ELMO1: variants seen among roughly 807,000 people sequenced by gnomAD.
The protein encoded by ELMO1 is engulfment and cell motility 1.
Under a neutral mutation model 98.9 loss-of-function variants are expected in ELMO1, and 26 were observed. That is an observed-to-expected ratio of 0.26 (90% confidence interval 0.19 to 0.36). The LOEUF (loss-of-function observed/expected upper bound fraction) is 0.36, where lower values mean the gene tolerates loss of function less well. Ranked by LOEUF, ELMO1 falls within the 10% of genes least tolerant of loss-of-function variation. The pLI is 1.00. For synonymous variants in ELMO1, 346 were observed against 346.0 expected (o/e 1.00, Z 0.00); for missense variants, 627 against 935.2 (o/e 0.67, Z 4.30).
rs113707287 is a variant in ELMO1, at chr7:37,381,476, G to A, written c.-73-38713C>T. Among the ~76,000 whole-genome samples, 386 of 152,294 alleles carry A rather than the reference G, an allele frequency of 2.5e-3. 5 individuals are homozygous for A. The highest frequency in any genetic ancestry group is 8.9e-3 in the African/African-American group (371 of 41,554). ...AAAGTAGTCAGTAATATACAACCCTGCACTAATGAAGAGTGAAACCACTGG... is the reference window on the plus strand; with the variant it reads ...AAAGTAGTCAGTAATATACAACCCTACACTAATGAAGAGTGAAACCACTGG... On this transcript the variant is annotated intron_variant, in intron 1 of 21. Transcript: ENST00000310758.
chr7:37,294,542 C>A (rs573372009), intron 4 of ELMO1, among the ~76,000 whole-genome samples: 2 of 152,262 alleles, frequency 1.3e-5, no homozygotes, highest in South Asian at 2.1e-4. Context: ...TCCCTCTAAT[C>A]CAAAAGCTTT....
At chr7:37,245,586 T>G (rs1341488494) in intron 6 of ELMO1, among the ~76,000 whole-genome samples, 1 of 152,146 alleles carries the variant, frequency 6.6e-6, no homozygotes, top group African/African-American at 2.4e-5. Context: ...ATATTTACTA[T>G]TTCCCATCCT....
At chr7:37,071,788 A>C (rs578169535) in intron 15 of ELMO1, among the ~76,000 whole-genome samples, 46 of 152,324 alleles carry the variant, frequency 3.0e-4, no homozygotes, top group African/African-American at 1.1e-3. Context: ...GATTAAAATA[A>C]GAAAAATTCC....
chr7:37,050,205 A>G (rs1240203288), intron 15 of ELMO1, among the ~76,000 whole-genome samples: 1 of 152,030 alleles, frequency 6.6e-6, no homozygotes, highest in Non-Finnish European at 1.5e-5. Flanking sequence ...CAACCTCCCA[A>G]GTAGCTGGGA....
chr7:37,051,052 C>T (rs1278933040), intron 15 of ELMO1, among the ~76,000 whole-genome samples: 1 of 152,186 alleles, frequency 6.6e-6, no homozygotes, highest in Non-Finnish European at 1.5e-5. Flanking sequence ...TGTTCAGCTT[C>T]CTTCCTTTTT....
chr7:37,209,481 G>A (rs1368643706), intron 13 of ELMO1, among the ~76,000 whole-genome samples: 5 of 152,188 alleles, frequency 3.3e-5, no homozygotes, highest in South Asian at 4.1e-4. Context: ...GGAGGAGGAC[G>A]ATAAAATTGC....
At chr7:36,916,696 C>G (rs901289215) in intron 16 of ELMO1, among the ~76,000 whole-genome samples, 2 of 152,224 alleles carry the variant, frequency 1.3e-5, no homozygotes, top group Non-Finnish European at 1.5e-5. Context: ...GCCCAGCCTT[C>G]CCTCTGGTTC....
At chr7:37,065,466 T>C (rs1186527120) in intron 15 of ELMO1, among the ~76,000 whole-genome samples, 2 of 152,140 alleles carry the variant, frequency 1.3e-5, no homozygotes, top group Non-Finnish European at 2.9e-5. Context: ...CTTAGCAGCA[T>C]TCACTGGTAC....
At chr7:37,232,858 C>A (rs1794253224) in intron 8 of ELMO1, among the ~76,000 whole-genome samples, 1 of 152,178 alleles carries the variant, frequency 6.6e-6, no homozygotes, top group Non-Finnish European at 1.5e-5. Context: ...CAGTGTGACA[C>A]ACTTATCTGG....
At position 37,307,943 on chromosome 7, in the gene ELMO1, T is replaced by A. The variant is rs1189977366; in HGVS notation, c.192+6907A>T. Among the ~76,000 whole-genome samples the A allele has an allele frequency of 3.9e-5, 6 of 152,006 alleles. No homozygotes were observed. The East Asian group carries it at 9.7e-4, about 25-fold the overall frequency. ...GCCTGGCCAACATGGTGAAACCCCA[T>A]CTCTACTAAAAATACAAAAATTAGC... On this transcript the variant is annotated intron_variant, in intron 4 of 21. Coordinates refer to ENST00000310758, the MANE Select transcript of ELMO1 (RefSeq NM_014800.11).
intron 1 of ELMO1, among the ~76,000 whole-genome samples, chr7:37,360,909 C>T (rs928380294): frequency 6.9e-6 from 1 of 145,062 alleles, no homozygotes; most frequent in African/African-American, 2.6e-5. Flanking sequence ...AAAAAATTCA[C>T]ATTAAAATAT....
chr7:37,394,957 A>T (rs1415533890), intron 1 of ELMO1, among the ~76,000 whole-genome samples: 1 of 152,236 alleles, frequency 6.6e-6, no homozygotes, highest in East Asian at 1.9e-4. Flanking sequence ...TGGAAGGCTG[A>T]GTATTTTAAT....
chr7:36,898,711 T>C (rs1806241731), intron 16 of ELMO1, among the ~76,000 whole-genome samples: 1 of 152,190 alleles, frequency 6.6e-6, no homozygotes, highest in African/African-American at 2.4e-5. Flanking sequence ...ACTTCTCCCA[T>C]CCTGCCTTTA....
chr7:37,058,213 T>C (rs1411511897), intron 15 of ELMO1, among the ~76,000 whole-genome samples: 2 of 152,182 alleles, frequency 1.3e-5, no homozygotes, highest in African/African-American at 2.4e-5. Flanking sequence ...CTTCTCCTTC[T>C]CACTGTTTTT....
At chr7:37,101,450 G>A (rs1242056516) in intron 14 of ELMO1, among the ~76,000 whole-genome samples, 1 of 152,132 alleles carries the variant, frequency 6.6e-6, no homozygotes, top group Admixed American at 6.5e-5. Flanking sequence ...CCGAAGAAGG[G>A]GCTACATTCT....
chr7:37,358,180 ACTT>A (rs1234016141), intron 1 of ELMO1, among the ~76,000 whole-genome samples: 1 of 152,092 alleles, frequency 6.6e-6, no homozygotes, highest in African/African-American at 2.4e-5. Flanking sequence ...AAATAGAGAA[ACTT>A]CCAACCCTGT....
At chr7:37,403,879 G>A (rs759889544) in intron 1 of ELMO1, among the ~76,000 whole-genome samples, 1 of 151,920 alleles carries the variant, frequency 6.6e-6, no homozygotes, top group Non-Finnish European at 1.5e-5. Context: ...TAGAACATAC[G>A]ACACAAAAAG....
intron 14 of ELMO1, among the ~76,000 whole-genome samples, chr7:37,112,993 A>T (rs59119882): frequency 0.18 from 27,313 of 152,184 alleles, 3,725 homozygotes; most frequent in African/African-American, 0.39. Flanking sequence ...AAAAGGGAAG[A>T]CAGCAGTGAC....
chr7:37,018,623 CACG>C (rs753321019), intron 15 of ELMO1, among the ~76,000 whole-genome samples: 3 of 152,044 alleles, frequency 2.0e-5, no homozygotes, highest in Non-Finnish European at 2.9e-5. Flanking sequence ...ACTACAGGTG[CACG>C]ACACCACGCC....
Sources: gnomAD v4.1 joint callset for allele counts (sites outside exome capture counted in the v4.1 genomes callset) on GRCh38, gnomAD v4.1.1 for gene constraint, MANE v1.5 for transcripts, NCBI Gene and HGNC (gene_info 2026-07-23, HGNC 2026-07-21) for gene names.